MYO6: variants seen among roughly 807,000 people sequenced by gnomAD.
The protein encoded by MYO6 is unconventional myosin-VI.
In MYO6, 74 loss-of-function variants were observed where a neutral mutation model predicts 178.7. The observed-to-expected ratio is 0.41, with a 90% CI of 0.34 to 0.50. The LOEUF is 0.50. MYO6 is among the 20% of genes least tolerant of loss of function. MYO6 has a pLI of 0.09. For synonymous variants in MYO6, 477 were observed against 504.6 expected, an observed-to-expected ratio of 0.95 and a Z score of 0.73; for missense variants, 1,330 against 1,547.4, an observed-to-expected ratio of 0.86 and a Z score of 2.36.
At chr6:75,848,618 A>C in intron 11 of MYO6, 87 bp downstream of exon 11, 1 of 1,355,928 alleles carries the variant, frequency 7.4e-7, no homozygotes, top group Non-Finnish European at 1.0e-6. Flanking sequence ...CTTTATATGC[A>C]GTTTGCTTAA....
chr6:75,786,752 A>G lies in MYO6; in HGVS notation c.-47-30749A>G, dbSNP rs934865088. The stretch of plus-strand genomic sequence containing the variant: ...TTTATCATTTTCTCTTTCTCTGTAC[A>G]TATACATACATATACACACGTCTTG... On this transcript the variant is annotated intron_variant, in intron 1 of 34. Transcript: ENST00000369977. Among the ~76,000 whole-genome samples, 73 of 152,282 alleles carry G rather than the reference A, an allele frequency of 4.8e-4. 1 individual carries two copies. The highest frequency in any genetic ancestry group is 1.2e-4 in the Non-Finnish European group (8 of 68,036).
intron 28 of MYO6, chr6:75,894,779 C>G (rs912623803): frequency 3.4e-6 from 5 of 1,466,354 alleles, no homozygotes; most frequent in Non-Finnish European, 3.7e-6. Flanking sequence ...TAGATAGATT[C>G]TGCTTCAATA....
chr6:75,870,757 G>A (rs1297192461), intron 19 of MYO6, 72 bp downstream of exon 19: 3 of 1,226,412 alleles, frequency 2.4e-6, no homozygotes, highest in Non-Finnish European at 3.6e-6. Context: ...ATGCAAGTAG[G>A]CATAGTAACC....
intron 1 of MYO6, among the ~76,000 whole-genome samples, chr6:75,806,303 G>A (rs1770080833): frequency 6.6e-6 from 1 of 151,608 alleles, no homozygotes; most frequent in Admixed American, 6.6e-5. Context: ...CATGAGAATT[G>A]CTTGAACCTG....
intron 1 of MYO6, among the ~76,000 whole-genome samples, chr6:75,754,435 A>G (rs1477015904): frequency 1.4e-5 from 2 of 146,810 alleles, no homozygotes; most frequent in Non-Finnish European, 3.0e-5. Flanking sequence ...CATGAGAATC[A>G]CTTGAACCTG....
chr6:75,909,980 A>T (rs1004565923), intron 32 of MYO6, among the ~76,000 whole-genome samples: 4 of 152,178 alleles, frequency 2.6e-5, no homozygotes, highest in Admixed American at 2.6e-4. Flanking sequence ...TAATAGGGGT[A>T]ATATTAGTGC....
chr6:75,877,524 C>T (rs1231133455), intron 20 of MYO6, among the ~76,000 whole-genome samples: 1 of 152,080 alleles, frequency 6.6e-6, no homozygotes, highest in Non-Finnish European at 1.5e-5. Context: ...GCCTCGGCCT[C>T]CTGAAGTGCT....
At chr6:75,778,659 G>T (rs1372905613) in intron 1 of MYO6, among the ~76,000 whole-genome samples, 1 of 151,946 alleles carries the variant, frequency 6.6e-6, no homozygotes, top group African/African-American at 2.4e-5. Context: ...AAAAGGCATT[G>T]AAAGTGAACC....
At chr6:75,854,275 C>CTTTTTTTTTTTTTTTTTTTTTT (rs61398235) in intron 11 of MYO6, among the ~76,000 whole-genome samples, 1 of 45,498 alleles carries the variant, frequency 2.2e-5, no homozygotes, top group African/African-American at 1.1e-4. Flanking sequence ...AACTGCATTG[C>CTTTTTTTTTTTTTTTTTTTTTT]TTTTTTTTTT....
chr6:75,840,086 T>C (rs1774062532), intron 7 of MYO6, among the ~76,000 whole-genome samples: 1 of 152,102 alleles, frequency 6.6e-6, no homozygotes, highest in South Asian at 2.1e-4. Flanking sequence ...TGGACTTGAA[T>C]AGTGCCTGAG....
At chr6:75,904,152 C>T (rs1213437334) in intron 30 of MYO6, among the ~76,000 whole-genome samples, 4 of 150,984 alleles carry the variant, frequency 2.6e-5, no homozygotes, top group African/African-American at 9.7e-5. Flanking sequence ...TCTCTGGCTG[C>T]CCTTAACATT....
At chr6:75,769,460 G>T (rs1279879215) in intron 1 of MYO6, among the ~76,000 whole-genome samples, 4 of 152,204 alleles carry the variant, frequency 2.6e-5, no homozygotes, top group African/African-American at 7.2e-5. Context: ...GGGGTTACAG[G>T]TCCCTGAAAC....
chr6:75,786,421 G>T (rs1399096781), intron 1 of MYO6, among the ~76,000 whole-genome samples: 1 of 152,174 alleles, frequency 6.6e-6, no homozygotes, highest in African/African-American at 2.4e-5. Flanking sequence ...GTTCCTGGAA[G>T]AAAATCTGTT....
intron 10 of MYO6, among the ~76,000 whole-genome samples, chr6:75,847,989 G>T (rs527811554): frequency 6.6e-6 from 1 of 152,040 alleles, no homozygotes; most frequent in Admixed American, 6.5e-5. Context: ...CTGTAATGTT[G>T]ATTCAAGTAT....
intron 1 of MYO6, among the ~76,000 whole-genome samples, chr6:75,755,982 C>T (rs1036284380): frequency 6.6e-6 from 1 of 152,178 alleles, no homozygotes; most frequent in African/African-American, 2.4e-5. Flanking sequence ...ATATTTCTGA[C>T]CTATCTGTCG....
chr6:75,794,159 G>A (rs1183081632), intron 1 of MYO6, among the ~76,000 whole-genome samples: 1 of 152,116 alleles, frequency 6.6e-6, no homozygotes, highest in Admixed American at 6.6e-5. Flanking sequence ...GGTAATAGAA[G>A]AGAAAAGAGG....
intron 11 of MYO6, among the ~76,000 whole-genome samples, chr6:75,849,522 T>C (rs1434170569): frequency 4.6e-5 from 7 of 152,130 alleles, no homozygotes; most frequent in Non-Finnish European, 8.8e-5. Context: ...CCTAGTGTAA[T>C]GCTAAAGGTT....
chr6:75,855,584 A>C (rs561688206), intron 12 of MYO6, among the ~76,000 whole-genome samples: 1 of 152,248 alleles, frequency 6.6e-6, no homozygotes, highest in Non-Finnish European at 1.5e-5. Context: ...TTTAAAAGTA[A>C]TTTTTTTATG....
At chr6:75,829,444 C>G (rs1772844665) in intron 4 of MYO6, among the ~76,000 whole-genome samples, 1 of 152,016 alleles carries the variant, frequency 6.6e-6, no homozygotes. Context: ...CTTACTAGAT[C>G]AAATGACAGT....
Sources: allele counts gnomAD v4.1 joint callset (sites outside exome capture counted in the v4.1 genomes callset), GRCh38; gene constraint gnomAD v4.1.1; transcripts MANE v1.5; gene names NCBI Gene and HGNC (gene_info 2026-07-23, HGNC 2026-07-21).